The following SLC35A3 variants were observed in gnomAD, a reference collection of about 807,000 sequenced individuals.
SLC35A3 encodes UDP-N-acetylglucosamine transporter.
A neutral mutation model predicts 39.0 loss-of-function variants in SLC35A3; 26 were observed. That is an observed-to-expected ratio of 0.67 (90% confidence interval 0.49 to 0.92). The LOEUF (loss-of-function observed/expected upper bound fraction) is 0.92. Among genes scored for constraint, SLC35A3 ranks in the 40% least tolerant of loss-of-function variants. The pLI, the probability that SLC35A3 is intolerant of heterozygous loss-of-function variation, is 0.00. For synonymous variants in SLC35A3, 135 were observed against 133.1 expected (o/e 1.01, Z -0.10); for missense variants, 299 against 371.6 (o/e 0.80, Z 1.61).
chr1:99,973,983 C>T (rs1656960296), intron 1 of SLC35A3, among the ~76,000 whole-genome samples: 1 of 149,706 alleles, frequency 6.7e-6, no homozygotes, highest in Admixed American at 6.6e-5. Flanking sequence ...CCATTGCACT[C>T]CAGCCTGGGC....
In SLC35A3 at chr1:100,007,163, A is replaced by C. The variant is rs1460106177; in HGVS notation, c.465+7A>C. 2.5e-6 allele frequency: 4 copies of C among 1,596,300 alleles called. No individual in the cohort carries two copies. The African/African-American group carries it at 5.4e-5, about 22-fold the overall frequency. ...AGGAGTTGCTTTTGTACAGGTAACTATTCAAGATAAGTATATATTTTTATC... is the reference window on the plus strand; with the variant it reads ...AGGAGTTGCTTTTGTACAGGTAACTCTTCAAGATAAGTATATATTTTTATC... On this transcript the variant is annotated splice_region_variant and intron_variant, in intron 4 of 7. Coordinates refer to ENST00000533028, the MANE Select transcript of SLC35A3 (RefSeq NM_012243.3).
In SLC35A3 at chr1:100,030,814, T is replaced by A. The variant is rs1190599585; in HGVS notation, c.*8338T>A. On this transcript the variant is annotated 3_prime_UTR_variant, in exon 8 of 8. Transcript: ENST00000533028. The stretch of plus-strand genomic sequence containing the variant: ...TAAATACAGCATTTTAAAATGATGA[T>A]GCTAAGTGCTTTTTTAATATATGCA... The A allele has an allele frequency of 6.6e-6, 1 of 152,242 alleles. No individual in the cohort carries two copies. Among genetic ancestry groups the A allele is most frequent in the Non-Finnish European group, 1.5e-5 (1 of 68,052 alleles). The allele number at this position is 152,242 out of a possible 1,614,324, so 9.4% of individuals were successfully genotyped here. A position where few individuals can be genotyped will look rare whatever the true frequency, so the allele number is the denominator to read the frequency against.
At chr1:99,998,055 G>A (rs1297861282) in intron 2 of SLC35A3, among the ~76,000 whole-genome samples, 1 of 152,042 alleles carries the variant, frequency 6.6e-6, no homozygotes, top group Non-Finnish European at 1.5e-5. Flanking sequence ...TCGCAGTCAG[G>A]GTGGGAGAAG....
In SLC35A3 at chr1:99,995,895, A is replaced by G. The variant is rs116266092; in HGVS notation, c.187+2154A>G. Among the ~76,000 whole-genome samples the G allele has an allele frequency of 5.9e-3, 898 of 152,338 alleles. 4 individuals carry two copies. The highest frequency in any genetic ancestry group is 0.021 in the African/African-American group (863 of 41,588). ...AGACAGAAGCAAAATAGAAAGATAA[A>G]TGGAAACGTAATAGCCAAACTGAGA... On this transcript the variant is annotated intron_variant, in intron 2 of 7. Coordinates refer to ENST00000533028, the MANE Select transcript of SLC35A3 (RefSeq NM_012243.3).
intron 2 of SLC35A3, among the ~76,000 whole-genome samples, chr1:99,998,155 CTT>C (rs544309699): frequency 2.0e-4 from 27 of 133,628 alleles, no homozygotes; most frequent in Admixed American, 2.3e-4. Context: ...AGTCACATTT[CTT>C]TTTTTTTTTT....
intron 2 of SLC35A3, among the ~76,000 whole-genome samples, chr1:99,997,917 A>G (rs1658518249): frequency 2.0e-5 from 3 of 152,122 alleles, no homozygotes; most frequent in Admixed American, 2.0e-4. Flanking sequence ...GATTCATGCA[A>G]CCAAGAAGGG....
chr1:99,983,055 T>C (rs1374070198), intron 1 of SLC35A3, among the ~76,000 whole-genome samples: 1 of 152,218 alleles, frequency 6.6e-6, no homozygotes, highest in Non-Finnish European at 1.5e-5. Context: ...TGGATCATTA[T>C]AATAATTATA....
At chr1:100,000,071 T>C (rs1341162804) in intron 3 of SLC35A3, among the ~76,000 whole-genome samples, 1 of 152,218 alleles carries the variant, frequency 6.6e-6, no homozygotes, top group Non-Finnish European at 1.5e-5. Flanking sequence ...GATATACTGA[T>C]TTCCTTTCCT....
chr1:100,017,968 A>G (rs1016407838), intron 7 of SLC35A3, 153 bp downstream of exon 7: 9 of 439,662 alleles, frequency 2.0e-5, no homozygotes, highest in Admixed American at 4.4e-5. Flanking sequence ...AATTAAATTC[A>G]TGAAAGAAAG....
At chr1:99,978,032 G>A (rs1256652354) in intron 1 of SLC35A3, among the ~76,000 whole-genome samples, 3 of 152,162 alleles carry the variant, frequency 2.0e-5, no homozygotes, top group Non-Finnish European at 4.4e-5. Flanking sequence ...GTTTAAAGGA[G>A]TCAACTTGAA....
chr1:99,973,462 GTTTC>G (rs1378418060), intron 1 of SLC35A3, among the ~76,000 whole-genome samples: 1 of 152,088 alleles, frequency 6.6e-6, no homozygotes, highest in Non-Finnish European at 1.5e-5. Context: ...TTTAATCATT[GTTTC>G]TTTAATGTAT....
chr1:99,979,614 T>A (rs1218837012), intron 1 of SLC35A3, among the ~76,000 whole-genome samples: 1 of 151,364 alleles, frequency 6.6e-6, no homozygotes. Flanking sequence ...TTTATATTTT[T>A]AGTAGAGACG....
rs1025171578 is a variant in SLC35A3 at position 99,993,545 on chromosome 1, A to G, written c.-10A>G. 5 of 1,613,412 alleles carry G rather than the reference A, an allele frequency of 3.1e-6. No homozygotes were observed. Among genetic ancestry groups the G allele is most frequent in the Non-Finnish European group, 4.2e-6 (5 of 1,179,726 alleles). ...TTTATTTTGTTTTTCAGGCAAATGA[A>G]GATAAAACAATGTTCGCCAACCTAA... On this transcript the variant is annotated 5_prime_UTR_variant, in exon 2 of 8. Coordinates refer to ENST00000533028, the MANE Select transcript of SLC35A3 (RefSeq NM_012243.3).
chr1:99,979,714 G>A (rs1462387825), intron 1 of SLC35A3, among the ~76,000 whole-genome samples: 5 of 150,130 alleles, frequency 3.3e-5, no homozygotes, highest in Non-Finnish European at 5.9e-5. Context: ...GATTACAGAC[G>A]TGAGCCACCG....
At chr1:99,988,847 C>G (rs1657908709) in intron 1 of SLC35A3, among the ~76,000 whole-genome samples, 1 of 151,882 alleles carries the variant, frequency 6.6e-6, no homozygotes, top group African/African-American at 2.4e-5. Flanking sequence ...CTCACTATAA[C>G]CTCAAACTTC....
chr1:100,019,747 C>T (rs186034751), intron 7 of SLC35A3, among the ~76,000 whole-genome samples: 1 of 152,258 alleles, frequency 6.6e-6, no homozygotes, highest in East Asian at 1.9e-4. Context: ...CTATCTCATC[C>T]ACTGCCATGT....
chr1:99,985,773 G>A (rs921965462), intron 1 of SLC35A3, among the ~76,000 whole-genome samples: 4 of 152,074 alleles, frequency 2.6e-5, no homozygotes, highest in African/African-American at 9.7e-5. Flanking sequence ...CCTTATAGAG[G>A]TCCTTCACCT....
At chr1:100,022,356 T>C (rs762606124) in intron 7 of SLC35A3, 30 bp from the exon 8 acceptor site, 4 of 1,192,568 alleles carry the variant, frequency 3.4e-6, no homozygotes, top group Non-Finnish European at 4.9e-6. Context: ...TCTGATTTTC[T>C]CTTTTTTATT....
intron 3 of SLC35A3, among the ~76,000 whole-genome samples, chr1:100,003,888 G>T (rs1404744914): frequency 6.6e-6 from 1 of 152,000 alleles, no homozygotes; most frequent in Non-Finnish European, 1.5e-5. Context: ...CTCTTTGTCT[G>T]TTTCTGCAGT....
Sources: allele counts gnomAD v4.1 joint callset (sites outside exome capture counted in the v4.1 genomes callset), GRCh38; gene constraint gnomAD v4.1.1; transcripts MANE v1.5; gene names NCBI Gene and HGNC (gene_info 2026-07-23, HGNC 2026-07-21).